FHDC1: variants seen among roughly 807,000 people sequenced by gnomAD.
The protein encoded by FHDC1 is FH2 domain containing 1.
Under a neutral mutation model 52.6 loss-of-function variants are expected in FHDC1, and 25 were observed. The ratio of observed to expected loss-of-function variants is 0.48; its 90% confidence interval spans 0.35 to 0.66. The LOEUF is 0.66. Ranked by LOEUF, FHDC1 falls within the 30% of genes least tolerant of loss-of-function variation. The probability of loss-of-function intolerance (pLI) is 0.01; values close to 1 mark genes in which losing one functional copy is unlikely to be tolerated. For synonymous variants in FHDC1, 616 were observed against 581.5 expected (o/e 1.06, Z -0.85); for missense variants, 1,459 against 1,452.8 (o/e 1.00, Z -0.07).
chr4:152,958,616 T>C (rs1390504435), intron 4 of FHDC1, among the ~76,000 whole-genome samples: 1 of 152,252 alleles, frequency 6.6e-6, no homozygotes. Context: ...TCTTACACTT[T>C]AGACTGAAAA....
chr4:152,960,434 C>G, intron 4 of FHDC1, 131 bp from the exon 5 acceptor site: 1 of 841,218 alleles, frequency 1.2e-6, no homozygotes, highest in Non-Finnish European at 1.8e-6. Flanking sequence ...CCTTTTTTGT[C>G]TTTTCTAAAT....
upstream of FHDC1, among the ~76,000 whole-genome samples, chr4:152,935,255 A>C (rs1360902652): frequency 1.3e-5 from 2 of 152,200 alleles, no homozygotes; most frequent in African/African-American, 4.8e-5. Context: ...ACTGAGGACC[A>C]GGATGGAGGA....
At chr4:152,929,747 T>G in the FHDC1 span, among the ~76,000 whole-genome samples, 12 of 152,308 alleles carry the variant, frequency 7.9e-5, no homozygotes, top group South Asian at 1.5e-3. This position sits in a 1 kb window ranked among gnomAD's most constrained non-coding sequence, Gnocchi z 4.1. Context: ...GTAGCCACCC[T>G]TGGATATTAA....
chr4:152,945,537 A>G (rs1048079015), intron 2 of FHDC1, among the ~76,000 whole-genome samples: 7 of 151,936 alleles, frequency 4.6e-5, no homozygotes, highest in Non-Finnish European at 8.8e-5. Context: ...GCTCACTGCA[A>G]CCTCCACCTT....
At chr4:152,918,144 C>T in the FHDC1 span, among the ~76,000 whole-genome samples, 1 of 152,284 alleles carries the variant, frequency 6.6e-6, no homozygotes, top group East Asian at 1.9e-4. Flanking sequence ...CTTTTGGAGT[C>T]ACTATTTATG....
chr4:152,919,373 G>T, the FHDC1 span, among the ~76,000 whole-genome samples: 5 of 152,210 alleles, frequency 3.3e-5, no homozygotes, highest in African/African-American at 9.7e-5. Context: ...GGTTGAGGAT[G>T]GAGGCAGCCA....
In FHDC1 at chr4:152,954,279, C is replaced by T. The variant is rs1740013720; in HGVS notation, c.623C>T (p.Thr208Ile). 6.2e-7 allele frequency: 1 copy of T among 1,614,000 alleles called. No individual in the cohort carries two copies. Among genetic ancestry groups the T allele is most frequent in the African/African-American group, 1.3e-5 (1 of 74,920 alleles). ...AAAAGTGAGCATTATGGATCAGAGACCTTGCGAGAATTTCTTAAGTTTTTG... is the reference window on the plus strand; with the variant it reads ...AAAAGTGAGCATTATGGATCAGAGATCTTGCGAGAATTTCTTAAGTTTTTG... ...QGKSEHYGSE[T>I]LREFLKFLPE... is the part of the protein sequence containing the mutation. Residue 208 changes from threonine (T) to isoleucine (I), a missense_variant, in exon 4 of 12, where the codon ACC becomes ATC. Thr to Ile is a moderately conservative substitution (Grantham distance 89, BLOSUM62 -1). Coordinates refer to ENST00000511601, the MANE Select transcript of FHDC1 (RefSeq NM_001371116.1).
chr4:152,939,244 CTGTG>C (rs1022095736), intron 1 of FHDC1, among the ~76,000 whole-genome samples: 5 of 151,658 alleles, frequency 3.3e-5, no homozygotes, highest in Non-Finnish European at 5.9e-5. Context: ...CGCCCAGCTA[CTGTG>C]TGTGTGTGTT....
the FHDC1 span, among the ~76,000 whole-genome samples, chr4:152,921,246 CT>C: frequency 6.6e-6 from 1 of 151,718 alleles, no homozygotes; most frequent in African/African-American, 2.4e-5. Flanking sequence ...GAACACATTT[CT>C]TTTTTAGAAA....
At chr4:152,943,747 C>A (rs547616862) in intron 2 of FHDC1, among the ~76,000 whole-genome samples, 192 bp downstream of exon 2, 2 of 152,164 alleles carry the variant, frequency 1.3e-5, no homozygotes, top group Non-Finnish European at 2.9e-5. Flanking sequence ...AAGAAGTATG[C>A]GTGCTGTATC....
In FHDC1 at chr4:152,975,145, G is replaced by A; in HGVS notation, c.1854G>A (p.Gln618=). 6.2e-7 allele frequency: 1 copy of A among 1,612,970 alleles called. No individual in the cohort carries two copies. Among genetic ancestry groups the A allele is most frequent in the Non-Finnish European group, 8.5e-7 (1 of 1,180,016 alleles). The change falls in exon 12 of 12, where the codon CAG becomes CAA. Residue 618 remains glutamine, a synonymous_variant. Transcript: ENST00000511601. ...AGGCCCCCAACCCACCCTCAGCACA[G>A]GCGCACCAGCTTGCAGCCGCCCAGC... ...QEEAPNPPSA[Q]AHQLAAAQPE... is the part of the protein sequence containing the mutation.
At chr4:152,945,958 G>A (rs547061745) in intron 2 of FHDC1, among the ~76,000 whole-genome samples, 1 of 152,136 alleles carries the variant, frequency 6.6e-6, no homozygotes, top group Non-Finnish European at 1.5e-5. Flanking sequence ...ACTCCTTTAG[G>A]TACCTCCTGT....
chr4:152,937,428 T>TG, intron 1 of FHDC1, among the ~76,000 whole-genome samples: 1 of 151,532 alleles, frequency 6.6e-6, no homozygotes, highest in East Asian at 2.0e-4. Context: ...GCTGGCGCCC[T>TG]GGGGGGCGTG....
At chr4:152,960,213 A>G (rs942860340) in intron 4 of FHDC1, among the ~76,000 whole-genome samples, 2 of 152,118 alleles carry the variant, frequency 1.3e-5, no homozygotes, top group African/African-American at 4.8e-5. Context: ...TCATTTCCAG[A>G]TTATTGCTTA....
chr4:152,958,693 C>T (rs1363720439), intron 4 of FHDC1, among the ~76,000 whole-genome samples: 1 of 152,158 alleles, frequency 6.6e-6, no homozygotes, highest in African/African-American at 2.4e-5. Context: ...TCCCTCTGCC[C>T]CTGCCCATAT....
At chr4:152,969,548 C>T (rs1489772758) in intron 10 of FHDC1, among the ~76,000 whole-genome samples, 1 of 152,162 alleles carries the variant, frequency 6.6e-6, no homozygotes, top group Non-Finnish European at 1.5e-5. Context: ...ATTACCATCT[C>T]AGTCAATATT....
intron 2 of FHDC1, among the ~76,000 whole-genome samples, chr4:152,944,708 G>T (rs1739675238): frequency 6.6e-6 from 1 of 152,216 alleles, no homozygotes; most frequent in African/African-American, 2.4e-5. Context: ...AAACACTGGG[G>T]TTAGAATTCT....
At chr4:152,933,204 C>T (rs1334618863), upstream of FHDC1, among the ~76,000 whole-genome samples, 1 of 152,244 alleles carries the variant, frequency 6.6e-6, no homozygotes, top group Admixed American at 6.5e-5. Context: ...ATGCCAGTAG[C>T]TGGGCAGACT....
intron 11 of FHDC1, 53 bp downstream of exon 11, chr4:152,972,594 C>A: frequency 6.5e-7 from 1 of 1,548,040 alleles, no homozygotes; most frequent in African/African-American, 1.4e-5. Context: ...TATTTTCCTT[C>A]TTCTCGACCT....
Sources: allele counts gnomAD v4.1 joint callset (sites outside exome capture counted in the v4.1 genomes callset), GRCh38; gene constraint gnomAD v4.1.1; non-coding constraint Gnocchi (gnomAD v3.1); transcripts MANE v1.5; gene names NCBI Gene and HGNC (gene_info 2026-07-23, HGNC 2026-07-21).